ANKRD11: variants seen among roughly 807,000 people sequenced by gnomAD.
ANKRD11 encodes the protein ankyrin repeat domain 11, also known as ankyrin repeat domain-containing protein 11.
In ANKRD11, 17 loss-of-function variants were observed where a neutral mutation model predicts 195.7. The ratio of observed to expected loss-of-function variants is 0.09; its 90% CI spans 0.06 to 0.13. ANKRD11 has a LOEUF of 0.13. Among genes scored for constraint, ANKRD11 ranks in the 10% least tolerant of loss-of-function variants. ANKRD11 has a pLI of 1.00. For missense variants in ANKRD11, 3,735 were observed against 3,566.1 expected (o/e 1.05, Z -1.21); for synonymous variants, 1,953 against 1,528.1 (o/e 1.28, Z -6.49).
chr16:89,327,726 G>A (rs1002477240), intron 2 of ANKRD11, among the ~76,000 whole-genome samples: 3 of 151,920 alleles, frequency 2.0e-5, no homozygotes, highest in African/African-American at 7.3e-5. Flanking sequence ...CCATTTATAG[G>A]TGCTCCAAAT....
intron 1 of ANKRD11, among the ~76,000 whole-genome samples, chr16:89,482,125 C>G (rs1434185833): frequency 6.6e-6 from 1 of 152,168 alleles, no homozygotes; most frequent in Non-Finnish European, 1.5e-5. Context: ...TGAAGGAAAT[C>G]AGTGAAACAT....
intron 1 of ANKRD11, chr16:89,489,180 G>A (rs937644618): frequency 2.0e-5 from 3 of 151,760 alleles, no homozygotes; most frequent in Admixed American, 1.3e-4. Context: ...TCTTTGAGAG[G>A]GGACTGAATC....
chr16:89,420,381 C>G (rs1304139910), intron 1 of ANKRD11: 1 of 152,184 alleles, frequency 6.6e-6, no homozygotes, highest in Non-Finnish European at 1.5e-5. Flanking sequence ...AGTAAGGCCA[C>G]CCAGCAAATC....
intron 9 of ANKRD11, chr16:89,278,485 G>A: frequency 2.2e-6 from 1 of 455,302 alleles, no homozygotes; most frequent in Middle Eastern, 3.9e-4. Context: ...TGTTTCACCT[G>A]AGCCTGCAGA....
Position 89,364,533 on chromosome 16 carries a change from C to G in ANKRD11, c.-59-47455G>C, listed in dbSNP as rs569516197. ...CTTAACCTATTCGCCCTCAAAACAG[C>G]GCTGAGCACAGCAGTCAGACCCTAA... On this transcript the variant is annotated intron_variant, in intron 2 of 12. Transcript: ENST00000301030. Among the ~76,000 whole-genome samples the G allele has an allele frequency of 2.4e-3, 370 of 152,286 alleles. 2 individuals are homozygous for G. The highest frequency in any genetic ancestry group is 8.3e-3 in the African/African-American group (346 of 41,552).
chr16:89,479,406 G>A (rs912822985), intron 1 of ANKRD11, among the ~76,000 whole-genome samples: 4 of 148,802 alleles, frequency 2.7e-5, no homozygotes, highest in African/African-American at 9.9e-5. Context: ...GCCGAGGCAG[G>A]CGGATCATCT....
chr16:89,406,673 G>A (rs934892662), intron 2 of ANKRD11, among the ~76,000 whole-genome samples: 7 of 152,144 alleles, frequency 4.6e-5, no homozygotes, highest in East Asian at 3.9e-4. Context: ...CTGTGATGCC[G>A]GCATCTGCCT....
At chr16:89,477,162 G>C (rs1463949012) in intron 1 of ANKRD11, among the ~76,000 whole-genome samples, 1 of 150,644 alleles carries the variant, frequency 6.6e-6, no homozygotes, top group African/African-American at 2.4e-5. Flanking sequence ...CACAATAGAA[G>C]TATAAAAGCC....
intron 2 of ANKRD11, among the ~76,000 whole-genome samples, chr16:89,371,432 A>C (rs1270959956): frequency 6.6e-6 from 1 of 152,204 alleles, no homozygotes; most frequent in Non-Finnish European, 1.5e-5. Context: ...TGCTCGGTGC[A>C]TGGAGGCCAG....
intron 9 of ANKRD11, among the ~76,000 whole-genome samples, chr16:89,277,114 ACT>A (rs2033723101): frequency 6.6e-6 from 1 of 150,888 alleles, no homozygotes; most frequent in African/African-American, 2.4e-5. Context: ...CACAGACCTC[ACT>A]CTGTTCAGCA....
chr16:89,317,453 G>T (rs564524260), intron 2 of ANKRD11, among the ~76,000 whole-genome samples: 1 of 152,154 alleles, frequency 6.6e-6, no homozygotes, highest in Non-Finnish European at 1.5e-5. Context: ...TCCCTTCCCC[G>T]CATTACAGGC....
chr16:89,285,155 T>C lies in ANKRD11; in HGVS notation c.1387A>G (p.Lys463Glu). Residue 463 changes from lysine to glutamate, a missense_variant, in exon 9 of 13, where the codon AAA becomes GAA. Physicochemically the swap from Lys to Glu is moderately conservative, Grantham distance 56. Coordinates refer to ENST00000301030, the MANE Select transcript of ANKRD11 (RefSeq NM_013275.6). The surrounding 1 kb of genome is among the most constrained non-coding windows in gnomAD (Gnocchi z 5.6). The stretch of plus-strand genomic sequence containing the variant: ...TTTCCGAAGCGAACCTCTCTGCCTT[T>C]TGTTTCTTTCTTTCGCTTCTTTTTC... ...KVKKKRKKET[K>E]GREVRFGKRS... 1 of 1,613,460 alleles carries C rather than the reference T, an allele frequency of 6.2e-7. No homozygotes were observed. Among genetic ancestry groups the C allele is most frequent in the Non-Finnish European group, 8.5e-7 (1 of 1,180,008 alleles).
At chr16:89,409,131 C>T (rs2038002111) in intron 2 of ANKRD11, among the ~76,000 whole-genome samples, 1 of 152,170 alleles carries the variant, frequency 6.6e-6, no homozygotes, top group Non-Finnish European at 1.5e-5. Flanking sequence ...GGTATCAGGC[C>T]CCTCAAAGAG....
intron 1 of ANKRD11, among the ~76,000 whole-genome samples, chr16:89,473,332 T>C (rs1490999931): frequency 6.6e-6 from 1 of 152,186 alleles, no homozygotes; most frequent in Non-Finnish European, 1.5e-5. Flanking sequence ...AATCTCTGCC[T>C]AGAGAATAGA....
chr16:89,406,459 C>T (rs1023446829), intron 2 of ANKRD11, among the ~76,000 whole-genome samples: 4 of 152,168 alleles, frequency 2.6e-5, no homozygotes, highest in South Asian at 2.1e-4. Flanking sequence ...GAAGGCCGCA[C>T]GGGCAAAGGA....
At chr16:89,274,461 G>A (rs2033465237) in intron 11 of ANKRD11, among the ~76,000 whole-genome samples, 3 of 152,204 alleles carry the variant, frequency 2.0e-5, no homozygotes, top group Non-Finnish European at 4.4e-5. Flanking sequence ...AGCAGGTGGA[G>A]CCCAGCAGTT....
intron 1 of ANKRD11, among the ~76,000 whole-genome samples, chr16:89,444,341 C>G (rs1398536061): frequency 1.3e-5 from 2 of 152,172 alleles, no homozygotes; most frequent in Admixed American, 1.3e-4. Flanking sequence ...TCTGAACAGG[C>G]TGCCACTCAC....
At chr16:89,333,520 C>G (rs186030388) in intron 2 of ANKRD11, among the ~76,000 whole-genome samples, 4 of 152,368 alleles carry the variant, frequency 2.6e-5, no homozygotes, top group Admixed American at 1.3e-4. Context: ...CTGCACAACC[C>G]TCCGTCCCTC....
chr16:89,314,391 T>C (rs1177282397), intron 3 of ANKRD11, among the ~76,000 whole-genome samples: 1 of 152,136 alleles, frequency 6.6e-6, no homozygotes, highest in Non-Finnish European at 1.5e-5. Context: ...CGCATCGACA[T>C]TATCAGGCCA....
Sources: gnomAD v4.1 joint callset for allele counts (sites outside exome capture counted in the v4.1 genomes callset) on GRCh38, gnomAD v4.1.1 for gene constraint, Gnocchi (gnomAD v3.1) non-coding constraint, MANE v1.5 for transcripts, NCBI Gene and HGNC (gene_info 2026-07-23, HGNC 2026-07-21) for gene names.